The following NRG3 variants were observed in gnomAD, a reference collection of about 807,000 sequenced individuals.
The protein encoded by NRG3 is pro-neuregulin-3, membrane-bound isoform.
Under a neutral mutation model 66.9 loss-of-function variants are expected in NRG3, and 31 were observed. The ratio of observed to expected loss-of-function variants is 0.46; its 90% CI spans 0.35 to 0.63. The LOEUF (loss-of-function observed/expected upper bound fraction) is 0.63. Ranked by LOEUF, NRG3 falls within the 20% of genes least tolerant of loss-of-function variation. The probability of loss-of-function intolerance (pLI) is 0.00; values close to 1 mark genes in which losing one functional copy is unlikely to be tolerated. For missense variants in NRG3, 910 were observed against 878.9 expected (o/e 1.04, Z -0.45); for synonymous variants, 393 against 359.4 (o/e 1.09, Z -1.06).
chr10:82,238,425 G>A (rs1002584674), intron 1 of NRG3, among the ~76,000 whole-genome samples: 6 of 152,034 alleles, frequency 3.9e-5, no homozygotes, highest in Non-Finnish European at 7.4e-5. Context: ...TTTGCCAGTG[G>A]GGAAAGAGTC....
At chr10:81,951,360 A>C (rs1260129479) in intron 1 of NRG3, among the ~76,000 whole-genome samples, 1 of 152,178 alleles carries the variant, frequency 6.6e-6, no homozygotes, top group Non-Finnish European at 1.5e-5. Context: ...TTGAAACAGC[A>C]AAACAGAAAC....
At chr10:82,065,310 A>C (rs1448393889) in intron 1 of NRG3, among the ~76,000 whole-genome samples, 5 of 152,208 alleles carry the variant, frequency 3.3e-5, no homozygotes. Context: ...TCCTCTCACC[A>C]GGTCTGGCCT....
In NRG3 at chr10:82,402,520, C is replaced by T. The variant is rs375302454; in HGVS notation, c.953+43652C>T. ...AGACTGACCCACACAGTATAACAGGCCAGATGGTACGACTTTAGAACTTTA... is the reference window on the plus strand; with the variant it reads ...AGACTGACCCACACAGTATAACAGGTCAGATGGTACGACTTTAGAACTTTA... On this transcript the variant is annotated intron_variant, in intron 2 of 8. Transcript: ENST00000372141. 7.2e-5 allele frequency among the ~76,000 whole-genome samples: 11 copies of T among 152,166 alleles called. No homozygotes were observed. In the South Asian group the frequency reaches 1.0e-3, roughly 14 times the overall value.
chr10:82,852,137 C>G (rs1056078366), intron 3 of NRG3, among the ~76,000 whole-genome samples: 2 of 152,168 alleles, frequency 1.3e-5, no homozygotes. Flanking sequence ...ACAGGGAACA[C>G]TAAACAAGGT....
At chr10:82,199,644 A>G (rs1047677807) in intron 1 of NRG3, among the ~76,000 whole-genome samples, 3 of 152,158 alleles carry the variant, frequency 2.0e-5, no homozygotes, top group African/African-American at 7.2e-5. Context: ...TAACTTCTGT[A>G]TGGTGACACA....
chr10:81,914,152 G>A (rs959039470), intron 1 of NRG3, among the ~76,000 whole-genome samples: 2 of 151,818 alleles, frequency 1.3e-5, no homozygotes, highest in Non-Finnish European at 1.5e-5. Flanking sequence ...TGAAATTATG[G>A]GAAATTAAAT....
intron 2 of NRG3, among the ~76,000 whole-genome samples, chr10:82,383,716 C>T (rs1017907995): frequency 6.6e-6 from 1 of 151,932 alleles, no homozygotes; most frequent in African/African-American, 2.4e-5. Flanking sequence ...AGTAATCTGA[C>T]ATTGTGATCT....
rs1364622320 is a variant in NRG3, at chr10:81,876,135, A to G, written c.795A>G (p.Thr265=). The G allele has an allele frequency of 1.9e-6, 3 of 1,598,606 alleles. No individual in the cohort carries two copies. The African/African-American group carries it at 4.0e-5, about 21-fold the overall frequency. The change falls in exon 1 of 9, where the codon ACA becomes ACG. Residue 265 remains threonine (T), a synonymous_variant. Coordinates refer to ENST00000372141, the MANE Select transcript of NRG3 (RefSeq NM_001010848.4). ...SSSSSSATTT[T]PETSTSPKFH... is the part of the protein sequence containing the mutation. ...CTTCCTCCTCCGCTACCACCACCAC[A>G]CCAGAAACTAGCACCAGCCCCAAAT...
chr10:82,138,125 A>T (rs2069500442), intron 1 of NRG3, among the ~76,000 whole-genome samples: 1 of 151,930 alleles, frequency 6.6e-6, no homozygotes, highest in Admixed American at 6.6e-5. Flanking sequence ...TTTATCTATG[A>T]TTTTCCTTAA....
chr10:81,980,680 A>G (rs763826282), intron 1 of NRG3, among the ~76,000 whole-genome samples: 6 of 152,186 alleles, frequency 3.9e-5, no homozygotes, highest in East Asian at 3.9e-4. Context: ...GAGGACTTCC[A>G]TACAAAATAT....
intron 1 of NRG3, among the ~76,000 whole-genome samples, chr10:82,338,663 T>C (rs1373252679): frequency 8.5e-5 from 13 of 152,216 alleles, no homozygotes. Flanking sequence ...TCAATAAATA[T>C]GTGCTGACTT....
At chr10:82,023,439 CTT>C (rs2062154028) in intron 1 of NRG3, among the ~76,000 whole-genome samples, 1 of 151,936 alleles carries the variant, frequency 6.6e-6, no homozygotes, top group South Asian at 2.1e-4. Context: ...TGTTCCAGAT[CTT>C]ATAGGAAAGG....
At chr10:82,479,029 A>G (rs1315622444) in intron 2 of NRG3, among the ~76,000 whole-genome samples, 2 of 152,200 alleles carry the variant, frequency 1.3e-5, no homozygotes, top group African/African-American at 2.4e-5. Flanking sequence ...CTCATGGTGT[A>G]AAGGTGAAGG....
intron 2 of NRG3, among the ~76,000 whole-genome samples, chr10:82,696,696 A>C (rs1300533622): frequency 6.6e-6 from 1 of 152,030 alleles, no homozygotes; most frequent in Non-Finnish European, 1.5e-5. Flanking sequence ...AAATGGAAAA[A>C]CCAAGTCCAA....
chr10:82,784,089 G>C lies in NRG3; in HGVS notation c.1027+45439G>C, dbSNP rs1034287193. Among the ~76,000 whole-genome samples, 185 of 152,076 alleles carry C rather than the reference G, an allele frequency of 1.2e-3. 1 individual carries two copies. The East Asian group carries it at 0.019, about 16-fold the overall frequency. On this transcript the variant is annotated intron_variant, in intron 3 of 8. Coordinates refer to ENST00000372141, the MANE Select transcript of NRG3 (RefSeq NM_001010848.4). The stretch of plus-strand genomic sequence containing the variant: ...ACGATCTGATCTTTGACAAACCTGA[G>C]AAAAACAAGCAATGGGGAAAGGATT...
rs547386809 is a variant in NRG3, at chr10:82,405,201, G to A, written c.953+46333G>A. Among the ~76,000 whole-genome samples the A allele has an allele frequency of 3.3e-5, 5 of 152,224 alleles. No homozygotes were observed. The South Asian group carries it at 1.0e-3, about 32-fold the overall frequency. ...GCAAGTCACATATTATATTAGATAT[G>A]TGAAGGTGATGTTTGAAGGAAGAGA... is the stretch of plus-strand genomic sequence containing the variant. On this transcript the variant is annotated intron_variant, in intron 2 of 8. Transcript: ENST00000372141.
intron 1 of NRG3, among the ~76,000 whole-genome samples, chr10:82,008,265 T>C (rs938239277): frequency 6.6e-6 from 1 of 152,128 alleles, no homozygotes; most frequent in East Asian, 1.9e-4. Flanking sequence ...GTTTGGAAGG[T>C]CAGGGAAAGA....
intron 1 of NRG3, among the ~76,000 whole-genome samples, chr10:82,132,525 G>C (rs2347774): frequency 2.2e-4 from 12 of 54,752 alleles, no homozygotes; most frequent in Non-Finnish European, 3.5e-4. Flanking sequence ...TGATATATAT[G>C]ATATATATAT....
chr10:82,460,160 G>A (rs2091447262), intron 2 of NRG3, among the ~76,000 whole-genome samples: 1 of 152,092 alleles, frequency 6.6e-6, no homozygotes, highest in Non-Finnish European at 1.5e-5. Context: ...TGTAAAACAG[G>A]AATAATAGCC....
Sources: gnomAD v4.1 joint callset for allele counts (sites outside exome capture counted in the v4.1 genomes callset) on GRCh38, gnomAD v4.1.1 for gene constraint, MANE v1.5 for transcripts, NCBI Gene and HGNC (gene_info 2026-07-23, HGNC 2026-07-21) for gene names.